NRIP3: variants seen among roughly 807,000 people sequenced by gnomAD.
The protein encoded by NRIP3 is nuclear receptor-interacting protein 3.
In NRIP3, 31 loss-of-function variants were observed where a neutral mutation model predicts 29.0. The ratio of observed to expected loss-of-function variants is 1.07; its 90% CI spans 0.80 to 1.44. NRIP3 has a LOEUF of 1.44. Among genes scored for constraint, NRIP3 ranks in the 40% most tolerant of loss-of-function variants. The pLI is 0.00. For missense variants in NRIP3, 314 were observed against 297.9 expected (o/e 1.05, Z -0.40); for synonymous variants, 131 against 118.3 (o/e 1.11, Z -0.70).
chr11:8,991,908 C>A (rs1854608666), intron 1 of NRIP3, among the ~76,000 whole-genome samples: 1 of 152,148 alleles, frequency 6.6e-6, no homozygotes, highest in Non-Finnish European at 1.5e-5. Flanking sequence ...TCTCTATATT[C>A]TTTTCCTCTT....
chr11:8,992,354 G>C (rs1163623900), intron 1 of NRIP3, among the ~76,000 whole-genome samples: 2 of 152,172 alleles, frequency 1.3e-5, no homozygotes, highest in Non-Finnish European at 2.9e-5. Context: ...CTGAAGGGTA[G>C]TGTGGGTTAT....
chr11:8,998,784 ATTTTTTTT>A (rs767253373), intron 1 of NRIP3, among the ~76,000 whole-genome samples: 4 of 77,606 alleles, frequency 5.2e-5, no homozygotes, highest in African/African-American at 5.1e-5. Context: ...CAAACTCTTC[ATTTTTTTT>A]TTTTTTTTTT....
Position 8,983,504 on chromosome 11 carries a change from T to C in NRIP3, c.*41A>G, listed in dbSNP as rs771078088. ...CAGTTTTCTCTATCTGTCAACCCGGTGTGTATGCATGCACACGTGCAGACA... is the reference window on the plus strand; with the variant it reads ...CAGTTTTCTCTATCTGTCAACCCGGCGTGTATGCATGCACACGTGCAGACA... On this transcript the variant is annotated 3_prime_UTR_variant, in exon 7 of 7. Transcript: ENST00000309166. 6.9e-6 allele frequency: 11 copies of C among 1,604,398 alleles called. No homozygotes were observed. The South Asian group carries it at 1.0e-4, about 15-fold the overall frequency.
At chr11:8,985,884 G>A in intron 3 of NRIP3, 34 bp from the exon 4 acceptor site, 1 of 1,610,534 alleles carries the variant, frequency 6.2e-7, no homozygotes, top group Non-Finnish European at 8.5e-7. Context: ...AAATCCCCTT[G>A]ACAGAGATTC....
At position 8,983,429 on chromosome 11, in the gene NRIP3, G is replaced by T; in HGVS notation, c.*116C>A. ...GAAGGAGCCCCTGGAGCTTCTATTAGATGGAAGGACTTGGTCCACAGCAAG... is the reference window on the plus strand; with the variant it reads ...GAAGGAGCCCCTGGAGCTTCTATTATATGGAAGGACTTGGTCCACAGCAAG... On this transcript the variant is annotated 3_prime_UTR_variant, in exon 7 of 7. Coordinates refer to ENST00000309166, the MANE Select transcript of NRIP3 (RefSeq NM_020645.3). 1 of 892,154 alleles carries T rather than the reference G, an allele frequency of 1.1e-6. No individual in the cohort carries two copies. Among genetic ancestry groups the T allele is most frequent in the Non-Finnish European group, 1.8e-6 (1 of 567,134 alleles). The allele number at this position is 892,154 out of a possible 1,614,324, so 55.3% of individuals were successfully genotyped here.
intron 1 of NRIP3, among the ~76,000 whole-genome samples, chr11:8,996,103 A>G (rs563073607): frequency 1.4e-4 from 22 of 152,224 alleles, no homozygotes; most frequent in African/African-American, 5.3e-4. Context: ...GTAATTATCA[A>G]TATGAAATTA....
intron 1 of NRIP3, among the ~76,000 whole-genome samples, chr11:8,999,814 G>A (rs1854766086): frequency 1.3e-5 from 2 of 152,132 alleles, no homozygotes; most frequent in Non-Finnish European, 2.9e-5. Flanking sequence ...CTCCTCAAAT[G>A]TAATCTTATC....
At position 8,988,259 on chromosome 11, in the gene NRIP3, C is replaced by A. The variant is rs780967687; in HGVS notation, c.198G>T (p.Arg66Ser). 25 of 1,613,858 alleles carry A rather than the reference C, an allele frequency of 1.5e-5. No individual in the cohort carries two copies. Among genetic ancestry groups the A allele is most frequent in the East Asian group, 1.3e-4 (6 of 44,894 alleles). The change falls in exon 2 of 7, where the codon AGG becomes AGT. Residue 66 changes from arginine (R) to serine (S), a missense_variant. Transcript: ENST00000309166. ...TAGACAGGTTGGTTTCCATGAGGCG[C>A]CTCTGCAGAATATTATGAGGTTGCT... Reference protein sequence around the residue: ...KDMQPHNILQRRLMETNLSKL... With the variant: ...KDMQPHNILQSRLMETNLSKL...
chr11:8,989,069 AG>A (rs967328727), intron 1 of NRIP3, among the ~76,000 whole-genome samples: 1 of 152,248 alleles, frequency 6.6e-6, no homozygotes, highest in Non-Finnish European at 1.5e-5. Flanking sequence ...ACCAAGAAGC[AG>A]GGGACTTAAT....
chr11:8,980,928 G>A lies in NRIP3; in HGVS notation c.*2617C>T, dbSNP rs1854404932. ...ATAAAACCAATATTTTTCAAACTCT[G>A]TTATTTGAGATAGACATCTAATAAG... is the stretch of plus-strand genomic sequence containing the variant. On this transcript the variant is annotated 3_prime_UTR_variant, in exon 7 of 7. Coordinates refer to ENST00000309166, the MANE Select transcript of NRIP3 (RefSeq NM_020645.3). 6.6e-6 allele frequency: 1 copy of A among 152,206 alleles called. No homozygotes were observed. The highest frequency in any genetic ancestry group is 2.4e-5 in the African/African-American group (1 of 41,454). The allele number at this position is 152,206 out of a possible 1,614,324, so 9.4% of individuals were successfully genotyped here.
At chr11:8,998,363 T>A (rs1005986450) in intron 1 of NRIP3, among the ~76,000 whole-genome samples, 2 of 152,226 alleles carry the variant, frequency 1.3e-5, no homozygotes, top group African/African-American at 4.8e-5. Flanking sequence ...CTCATTATTA[T>A]CTGTTTTGTG....
At chr11:8,998,857 G>C (rs529511070) in intron 1 of NRIP3, among the ~76,000 whole-genome samples, 1 of 129,594 alleles carries the variant, frequency 7.7e-6, no homozygotes, top group African/African-American at 2.9e-5. Context: ...GCATTGGCAC[G>C]ATCTCGGCTC....
chr11:8,998,165 C>G (rs190763408), intron 1 of NRIP3, among the ~76,000 whole-genome samples: 1 of 152,296 alleles, frequency 6.6e-6, no homozygotes, highest in East Asian at 1.9e-4. Context: ...CAAAAGGTCA[C>G]CAATATTTGT....
intron 4 of NRIP3, 62 bp downstream of exon 4, chr11:8,985,649 T>C: frequency 1.3e-6 from 2 of 1,564,986 alleles, no homozygotes; most frequent in African/African-American, 1.4e-5. Context: ...CATGAGGTTT[T>C]GTTGGGGGTA....
At chr11:9,004,103 C>T (rs1854869647), upstream of NRIP3, 5 of 521,734 alleles carry the variant, frequency 9.6e-6, no homozygotes, top group Non-Finnish European at 5.9e-6. Context: ...GTCCACGCCC[C>T]GCGCGGCTCC....
chr11:9,001,060 C>G (rs1004478859), intron 1 of NRIP3, among the ~76,000 whole-genome samples: 1 of 151,900 alleles, frequency 6.6e-6, no homozygotes, highest in South Asian at 2.1e-4. Context: ...GAGTGAGAAC[C>G]CGTCTCTTAA....
At chr11:9,002,761 A>C (rs377692406) in intron 1 of NRIP3, among the ~76,000 whole-genome samples, 1 of 152,212 alleles carries the variant, frequency 6.6e-6, no homozygotes, top group Non-Finnish European at 1.5e-5. Context: ...CACCTATTTC[A>C]TTTGTTAAAA....
intron 1 of NRIP3, among the ~76,000 whole-genome samples, chr11:8,997,045 T>G (rs1372186851): frequency 6.6e-6 from 1 of 151,956 alleles, no homozygotes; most frequent in Non-Finnish European, 1.5e-5. Context: ...GACACTGCAC[T>G]TTAGCCTGGG....
At chr11:8,997,736 T>A (rs1453815921) in intron 1 of NRIP3, among the ~76,000 whole-genome samples, 1 of 152,178 alleles carries the variant, frequency 6.6e-6, no homozygotes, top group Non-Finnish European at 1.5e-5. Context: ...ACTATAGAGT[T>A]TGAAGAAAAG....
Sources: gnomAD v4.1 joint callset for allele counts (sites outside exome capture counted in the v4.1 genomes callset) on GRCh38, gnomAD v4.1.1 for gene constraint, MANE v1.5 for transcripts, NCBI Gene and HGNC (gene_info 2026-07-23, HGNC 2026-07-21) for gene names.